The following BCKDHB variants were observed in gnomAD, a reference collection of about 807,000 sequenced individuals.
The protein encoded by BCKDHB is 2-oxoisovalerate dehydrogenase subunit beta, mitochondrial.
A neutral mutation model predicts 48.5 loss-of-function variants in BCKDHB; 41 were observed. That is an observed-to-expected ratio of 0.85 (90% confidence interval 0.66 to 1.10). The LOEUF (loss-of-function observed/expected upper bound fraction) is 1.10. Among genes scored for constraint, BCKDHB ranks in the 50% least tolerant of loss-of-function variants. The pLI, the probability that BCKDHB is intolerant of heterozygous loss-of-function variation, is 0.00. For synonymous variants in BCKDHB, 201 were observed against 174.8 expected, an observed-to-expected ratio of 1.15 and a Z score of -1.18; for missense variants, 496 against 494.2, an observed-to-expected ratio of 1.00 and a Z score of -0.03.
At chr6:80,312,970 T>C (rs748454882) in intron 9 of BCKDHB, among the ~76,000 whole-genome samples, 2 of 152,168 alleles carry the variant, frequency 1.3e-5, no homozygotes, top group African/African-American at 2.4e-5. Flanking sequence ...GTCCATCCTT[T>C]TTGATTTTTT....
At chr6:80,189,621 T>C (rs1328990075) in intron 6 of BCKDHB, among the ~76,000 whole-genome samples, 1 of 152,154 alleles carries the variant, frequency 6.6e-6, no homozygotes, top group Non-Finnish European at 1.5e-5. Context: ...TAACTGTGTG[T>C]TGAGCATAAG....
intron 8 of BCKDHB, among the ~76,000 whole-genome samples, chr6:80,272,456 C>T (rs1777787243): frequency 6.6e-6 from 1 of 152,148 alleles, no homozygotes; most frequent in Non-Finnish European, 1.5e-5. Context: ...AGCTGGCATC[C>T]TGCTATGATA....
intron 8 of BCKDHB, among the ~76,000 whole-genome samples, chr6:80,254,498 C>A (rs940558928): frequency 1.3e-5 from 2 of 151,898 alleles, no homozygotes; most frequent in Admixed American, 6.6e-5. Flanking sequence ...GGGTTCAAGA[C>A]CAGCCCAGGC....
chr6:80,426,052 T>C, the BCKDHB span, among the ~76,000 whole-genome samples: 1 of 152,174 alleles, frequency 6.6e-6, no homozygotes, highest in Non-Finnish European at 1.5e-5. Context: ...TAAATACAGC[T>C]TCATTTGCCT....
At chr6:80,404,749 T>A in the BCKDHB span, among the ~76,000 whole-genome samples, 1 of 152,198 alleles carries the variant, frequency 6.6e-6, no homozygotes, top group South Asian at 2.1e-4. Context: ...AGTTTTGGTA[T>A]ATGTGTTGCC....
the BCKDHB span, among the ~76,000 whole-genome samples, chr6:80,363,951 T>TAAAG: frequency 6.6e-6 from 1 of 152,220 alleles, no homozygotes; most frequent in African/African-American, 2.4e-5. Context: ...GGGCTACTTC[T>TAAAG]AAGGAGAACC....
At chr6:80,370,295 G>T in the BCKDHB span, among the ~76,000 whole-genome samples, 5,437 of 152,242 alleles carry the variant, frequency 0.036, 353 homozygotes, top group African/African-American at 0.12. Flanking sequence ...GGAAAAATAA[G>T]GAGGACAAGA....
At chr6:80,299,555 G>T (rs1423562378) in intron 9 of BCKDHB, among the ~76,000 whole-genome samples, 1 of 152,146 alleles carries the variant, frequency 6.6e-6, no homozygotes, top group Non-Finnish European at 1.5e-5. Flanking sequence ...AGTTTATTAA[G>T]AAAGTAAACT....
At chr6:80,422,541 C>G in the BCKDHB span, among the ~76,000 whole-genome samples, 2 of 152,202 alleles carry the variant, frequency 1.3e-5, no homozygotes, top group South Asian at 2.1e-4. Context: ...GGAAAAAACA[C>G]AGACACTCAA....
intron 6 of BCKDHB, among the ~76,000 whole-genome samples, chr6:80,177,014 CAGG>C (rs1773188068): frequency 6.6e-6 from 1 of 151,670 alleles, no homozygotes; most frequent in East Asian, 1.9e-4. Flanking sequence ...CGCTTGAGCC[CAGG>C]AGTTTGAGAC....
chr6:80,269,823 G>GT (rs1777660344), intron 8 of BCKDHB, among the ~76,000 whole-genome samples: 2 of 151,998 alleles, frequency 1.3e-5, no homozygotes, highest in East Asian at 3.9e-4. Flanking sequence ...TCTTAAAAAG[G>GT]TAAATGGCCA....
At chr6:80,378,905 T>C in the BCKDHB span, among the ~76,000 whole-genome samples, 2 of 152,058 alleles carry the variant, frequency 1.3e-5, no homozygotes, top group African/African-American at 4.8e-5. Context: ...ATTTATTTTA[T>C]ATGTTTATTG....
At chr6:80,301,858 T>C (rs1459011139) in intron 9 of BCKDHB, among the ~76,000 whole-genome samples, 1 of 152,178 alleles carries the variant, frequency 6.6e-6, no homozygotes, top group East Asian at 1.9e-4. Context: ...AATCAATAAA[T>C]GTCATTCACC....
intron 3 of BCKDHB, among the ~76,000 whole-genome samples, chr6:80,130,814 A>G (rs1770589980): frequency 6.6e-6 from 1 of 152,208 alleles, no homozygotes; most frequent in African/African-American, 2.4e-5. Flanking sequence ...TGTATATATT[A>G]ACTAATATTT....
intron 1 of BCKDHB, among the ~76,000 whole-genome samples, chr6:80,108,774 C>T (rs946879858): frequency 2.6e-5 from 4 of 152,006 alleles, no homozygotes; most frequent in African/African-American, 7.2e-5. Context: ...GGAGGAGAAT[C>T]GCTTGAACCT....
intron 8 of BCKDHB, among the ~76,000 whole-genome samples, chr6:80,255,764 C>T (rs1381407038): frequency 6.6e-6 from 1 of 152,142 alleles, no homozygotes; most frequent in African/African-American, 2.4e-5. Context: ...ATATCTTAGC[C>T]TCCTGAGCAT....
intron 3 of BCKDHB, among the ~76,000 whole-genome samples, chr6:80,153,291 A>G (rs529425147): frequency 1.3e-5 from 2 of 152,108 alleles, no homozygotes; most frequent in Non-Finnish European, 2.9e-5. Flanking sequence ...ATTTGGGTTC[A>G]TAGTTTTGAA....
At chr6:80,404,668 A>G in the BCKDHB span, among the ~76,000 whole-genome samples, 1 of 151,598 alleles carries the variant, frequency 6.6e-6, no homozygotes, top group Non-Finnish European at 1.5e-5. Flanking sequence ...TTTATTTGTG[A>G]TCATTCTTTT....
chr6:80,193,594 C>T (rs1305645767), intron 6 of BCKDHB, among the ~76,000 whole-genome samples: 1 of 152,000 alleles, frequency 6.6e-6, no homozygotes, highest in Non-Finnish European at 1.5e-5. Flanking sequence ...GTGGCGGGCA[C>T]CTGTAATCCC....
Sources: gnomAD v4.1 joint callset for allele counts (sites outside exome capture counted in the v4.1 genomes callset) on GRCh38, gnomAD v4.1.1 for gene constraint, MANE v1.5 for transcripts, NCBI Gene and HGNC (gene_info 2026-07-23, HGNC 2026-07-21) for gene names.